NOXRED1: variants seen among roughly 807,000 people sequenced by gnomAD.
NOXRED1 encodes NADP dependent oxidoreductase domain containing 1.
Under a neutral mutation model 30.4 loss-of-function variants are expected in NOXRED1, and 20 were observed. That is an observed-to-expected ratio of 0.66 (90% CI 0.46 to 0.96). The LOEUF is 0.96. Ranked by LOEUF, NOXRED1 falls within the 40% of genes least tolerant of loss-of-function variation. The pLI is 0.00. For synonymous variants in NOXRED1, 155 were observed against 168.0 expected (o/e 0.92, Z 0.60); for missense variants, 374 against 428.0 (o/e 0.87, Z 1.11).
At chr14:77,398,161 A>G (rs895102998) in intron 5 of NOXRED1, among the ~76,000 whole-genome samples, 19 of 152,116 alleles carry the variant, frequency 1.2e-4, no homozygotes, top group South Asian at 4.2e-4. Context: ...ACTGTAACTG[A>G]CAAATTGCTG....
At chr14:77,406,455 C>T (rs1894459592) in intron 4 of NOXRED1, 7 of 594,636 alleles carry the variant, frequency 1.2e-5, no homozygotes, top group Non-Finnish European at 2.1e-5. Context: ...CAGGGAAAAG[C>T]CATTTTAGTC....
At chr14:77,404,181 G>A (rs1894397849) in intron 5 of NOXRED1, among the ~76,000 whole-genome samples, 1 of 152,154 alleles carries the variant, frequency 6.6e-6, no homozygotes, top group African/African-American at 2.4e-5. Context: ...TAATTCATGA[G>A]AGAGAAACAA....
At chr14:77,420,380 T>G (rs2205190) in intron 1 of NOXRED1, among the ~76,000 whole-genome samples, 64,689 of 143,664 alleles carry the variant, frequency 0.45, 16,056 homozygotes, top group East Asian at 0.92. Context: ...TTTTTTTTGT[T>G]TTGTTTTGTT....
chr14:77,403,030 C>T (rs780848511), intron 5 of NOXRED1, among the ~76,000 whole-genome samples: 5 of 151,100 alleles, frequency 3.3e-5, no homozygotes, highest in Non-Finnish European at 5.9e-5. Flanking sequence ...AGTGAAACTC[C>T]GTCTCAGAAA....
Position 77,423,160 on chromosome 14 carries a change from A to C in NOXRED1, c.-271T>G. 1 of 363,798 alleles carries C rather than the reference A, an allele frequency of 2.7e-6. No homozygotes were observed. Among genetic ancestry groups the C allele is most frequent in the Non-Finnish European group, 4.9e-6 (1 of 202,634 alleles). 22.5% of individuals were successfully genotyped at this position (363,798 alleles called of 1,614,324 possible). A position where few individuals can be genotyped will look rare whatever the true frequency, so the allele number is the denominator to read the frequency against. ...GGACTCATGAAAAACCTGTACAGAA[A>C]CCCAAAGTATTGTTTCTCCACACAG... On this transcript the variant is annotated 5_prime_UTR_variant, in exon 1 of 6. Coordinates refer to ENST00000380835, the MANE Select transcript of NOXRED1 (RefSeq NM_001113475.3).
chr14:77,410,093 A>G (rs1447391865), intron 2 of NOXRED1, among the ~76,000 whole-genome samples: 1 of 151,730 alleles, frequency 6.6e-6, no homozygotes, highest in Non-Finnish European at 1.5e-5. Context: ...ATGAGCCACC[A>G]TGCCCAGTTG....
chr14:77,418,884 C>A (rs10146635), intron 1 of NOXRED1, among the ~76,000 whole-genome samples: 25,753 of 152,058 alleles, frequency 0.17, 2,449 homozygotes, highest in Middle Eastern at 0.28. Flanking sequence ...TGCCACCCAT[C>A]ACAGTATTAT....
intron 5 of NOXRED1, 53 bp from the exon 6 acceptor site, chr14:77,394,858 T>C: frequency 1.5e-6 from 2 of 1,357,822 alleles, no homozygotes; most frequent in Non-Finnish European, 2.1e-6. Flanking sequence ...TATATCTGAT[T>C]TGGCTGTTAA....
intron 5 of NOXRED1, among the ~76,000 whole-genome samples, chr14:77,404,231 C>T (rs1313759052): frequency 6.6e-6 from 1 of 152,098 alleles, no homozygotes; most frequent in African/African-American, 2.4e-5. Flanking sequence ...TCCAATACAA[C>T]AGAAAAGTGA....
chr14:77,407,753 T>C (rs1182537497), intron 2 of NOXRED1, 108 bp from the exon 3 acceptor site: 2 of 724,434 alleles, frequency 2.8e-6, no homozygotes, highest in East Asian at 5.3e-5. Flanking sequence ...AATCAACCCA[T>C]CTTATTGCTC....
chr14:77,394,644 A>G lies in NOXRED1; in HGVS notation c.1067T>C (p.Phe356Ser). 6.2e-7 allele frequency: 1 copy of G among 1,611,688 alleles called. No homozygotes were observed. Among genetic ancestry groups the G allele is most frequent in the Non-Finnish European group, 8.5e-7 (1 of 1,178,772 alleles). ...TKEQPVISTG[F>S]PSQ ...TCCTGAGTTCTCTTATTGGGATGGA[A>G]AGCCTGTGGAAATGACTGGCTGTTC... is the stretch of plus-strand genomic sequence containing the variant. The change falls in exon 6 of 6, where the codon TTT (phenylalanine) becomes TCT (serine). Residue 356 changes from phenylalanine (F) to serine (S), a missense_variant. Physicochemically the swap from Phe to Ser is radical, Grantham distance 155 (BLOSUM62 -2). Coordinates refer to ENST00000380835, the MANE Select transcript of NOXRED1 (RefSeq NM_001113475.3).
intron 5 of NOXRED1, among the ~76,000 whole-genome samples, chr14:77,398,978 C>CA (rs894840738): frequency 1.2e-4 from 18 of 150,498 alleles, no homozygotes; most frequent in Admixed American, 2.6e-4. Flanking sequence ...CAAAAACAAA[C>CA]AAAAAAAAGC....
rs759377395 is a variant in NOXRED1, at chr14:77,406,787, C to T, written c.619G>A (p.Gly207Arg). The T allele has an allele frequency of 3.7e-6, 6 of 1,613,994 alleles. No homozygotes were observed. The highest frequency in any genetic ancestry group is 5.1e-6 in the Non-Finnish European group (6 of 1,179,910). The change falls in exon 4 of 6, where the codon GGA (glycine) becomes AGA (arginine). Residue 207 changes from glycine (G) to arginine (R), a missense_variant. Coordinates refer to ENST00000380835, the MANE Select transcript of NOXRED1 (RefSeq NM_001113475.3). ...DSVSVWGANK[G>R]VIAALQDPTI... is the part of the protein sequence containing the mutation. ...GGATCTTGGAGAGCAGCTATGACTC[C>T]CTTATTGGCCCCCCAGACGCTGACA...
At chr14:77,404,302 A>G (rs2139672159) in intron 5 of NOXRED1, among the ~76,000 whole-genome samples, 1 of 152,372 alleles carries the variant, frequency 6.6e-6, no homozygotes. Flanking sequence ...TCACAGGCAT[A>G]GAGAATAAAC....
chr14:77,396,836 AATTAAG>A (rs1217992676), intron 5 of NOXRED1, among the ~76,000 whole-genome samples: 3 of 152,210 alleles, frequency 2.0e-5, no homozygotes, highest in Non-Finnish European at 4.4e-5. Context: ...AACTCAACAA[AATTAAG>A]ATGTCAGTTT....
At chr14:77,411,004 A>T (rs1308330369) in intron 2 of NOXRED1, among the ~76,000 whole-genome samples, 1 of 152,152 alleles carries the variant, frequency 6.6e-6, no homozygotes, top group Non-Finnish European at 1.5e-5. Context: ...ACCCAAGAAA[A>T]ATGAAAGTAG....
At chr14:77,416,776 C>T (rs1309026911) in intron 1 of NOXRED1, among the ~76,000 whole-genome samples, 2 of 152,094 alleles carry the variant, frequency 1.3e-5, no homozygotes, top group Admixed American at 1.3e-4. Flanking sequence ...CCAGTAGGGG[C>T]GGCCGGGCAG....
chr14:77,394,585 T>C lies in NOXRED1; in HGVS notation c.*46A>G, dbSNP rs1417865960. ...TGTGATAATCAGGGCACAACTATTA[T>C]AGGGAAAATCTGTGAGTGGGAAAAA... On this transcript the variant is annotated 3_prime_UTR_variant, in exon 6 of 6. Coordinates refer to ENST00000380835, the MANE Select transcript of NOXRED1 (RefSeq NM_001113475.3). 3.4e-6 allele frequency: 5 copies of C among 1,462,452 alleles called. No individual in the cohort carries two copies. Among genetic ancestry groups the C allele is most frequent in the Non-Finnish European group, 3.8e-6 (4 of 1,048,594 alleles). 90.6% of individuals were successfully genotyped at this position (1,462,452 alleles called of 1,614,324 possible).
rs1405810308 is a variant in NOXRED1, at chr14:77,407,470, T to A, written c.525A>T (p.Leu175=). ...TTCTCACCCTAACAAGATACCTGGG[T>A]AGTGGGATGGCAGCTACAAAGCTGT... ...IVYSFVAAIP[L]PRLKLLLNHT... The change falls in exon 3 of 6, where the codon CTA becomes CTT. Residue 175 remains leucine (L), a synonymous_variant. Coordinates refer to ENST00000380835, the MANE Select transcript of NOXRED1 (RefSeq NM_001113475.3). 6.2e-7 allele frequency: 1 copy of A among 1,612,140 alleles called. No homozygotes were observed. Among genetic ancestry groups the A allele is most frequent in the Non-Finnish European group, 8.5e-7 (1 of 1,178,332 alleles).
Sources: allele counts gnomAD v4.1 joint callset (sites outside exome capture counted in the v4.1 genomes callset), GRCh38; gene constraint gnomAD v4.1.1; transcripts MANE v1.5; gene names NCBI Gene and HGNC (gene_info 2026-07-23, HGNC 2026-07-21).